Variants in ATAD2B observed in about 807,000 individuals in gnomAD.
ATAD2B encodes the protein ATPase family AAA domain-containing protein 2B.
Under a neutral mutation model 167.6 loss-of-function variants are expected in ATAD2B, and 40 were observed. The ratio of observed to expected loss-of-function variants is 0.24; its 90% CI spans 0.19 to 0.31. The LOEUF (loss-of-function observed/expected upper bound fraction) is 0.31, where lower values mean the gene tolerates loss of function less well. Ranked by LOEUF, ATAD2B falls within the 10% of genes least tolerant of loss-of-function variation. The probability of loss-of-function intolerance (pLI) is 1.00; values close to 1 mark genes in which losing one functional copy is unlikely to be tolerated. For missense variants in ATAD2B, 1,242 were observed against 1,757.2 expected, an observed-to-expected ratio of 0.71 and a Z score of 5.24; for synonymous variants, 579 against 596.5, an observed-to-expected ratio of 0.97 and a Z score of 0.43.
rs1283016862 is a variant in ATAD2B, at chr2:23,878,010, C to CAAAAAA, written c.902-2107_902-2106insTTTTTT. On this transcript the variant is annotated intron_variant, in intron 7 of 27. Transcript: ENST00000238789. The stretch of plus-strand genomic sequence containing the variant: ...ACTCCAGCCTGGATGACCCTATCTC[C>CAAAAAA]AAAGAAAAAAAAAAAAAAAAAAAAA... Among the ~76,000 whole-genome samples the CAAAAAA allele has an allele frequency of 9.6e-3, 273 of 28,536 alleles. 36 individuals are homozygous for CAAAAAA. Among genetic ancestry groups the CAAAAAA allele is most frequent in the East Asian group, 0.038 (29 of 756 alleles). 18.7% of individuals were successfully genotyped at this position (28,536 alleles called of 152,430 possible).
chr2:23,811,582 C>T (rs949252965), intron 17 of ATAD2B: 8 of 152,224 alleles, frequency 5.3e-5, no homozygotes, highest in African/African-American at 1.9e-4. Flanking sequence ...GAACATCACA[C>T]ACCGGGGCCT....
the ATAD2B span, among the ~76,000 whole-genome samples, chr2:23,711,098 T>C: frequency 6.6e-6 from 1 of 152,172 alleles, no homozygotes; most frequent in African/African-American, 2.4e-5. Context: ...ATTGTGGGTA[T>C]GTGATACACA....
chr2:23,894,688 C>T (rs555081589), intron 2 of ATAD2B, among the ~76,000 whole-genome samples: 7 of 152,140 alleles, frequency 4.6e-5, no homozygotes, highest in Admixed American at 4.6e-4. Context: ...GAGATTATAA[C>T]AGGTAGATCA....
At chr2:23,887,716 A>C in intron 4 of ATAD2B, 116 bp downstream of exon 4, 1 of 905,130 alleles carries the variant, frequency 1.1e-6, no homozygotes, top group Non-Finnish European at 1.6e-6. Context: ...GCTTCAAGTT[A>C]AGTTTTTAAA....
intron 14 of ATAD2B, among the ~76,000 whole-genome samples, chr2:23,831,420 T>C (rs1689060068): frequency 1.3e-5 from 2 of 152,256 alleles, no homozygotes; most frequent in Non-Finnish European, 2.9e-5. Flanking sequence ...AGTCATGATA[T>C]TCTATTGGCC....
chr2:23,883,961 A>G (rs997156989), intron 6 of ATAD2B, among the ~76,000 whole-genome samples: 4 of 152,068 alleles, frequency 2.6e-5, no homozygotes, highest in Non-Finnish European at 5.9e-5. Flanking sequence ...CTGGCCAACA[A>G]GGCAAAAACC....
intron 13 of ATAD2B, among the ~76,000 whole-genome samples, chr2:23,847,992 CAAAAA>C (rs529339468): frequency 1.1e-5 from 1 of 90,780 alleles, no homozygotes. Context: ...GACTTCATCC[CAAAAA>C]AAAAAAAAAA....
chr2:23,816,510 G>A (rs1686478821), intron 17 of ATAD2B, among the ~76,000 whole-genome samples: 1 of 152,044 alleles, frequency 6.6e-6, no homozygotes, highest in Non-Finnish European at 1.5e-5. Flanking sequence ...CCAACATAGT[G>A]GATGAAAAAG....
chr2:23,697,945 TTCTG>T, the ATAD2B span: 1 of 152,248 alleles, frequency 6.6e-6, no homozygotes, highest in Admixed American at 6.5e-5. Flanking sequence ...GGATCCGTCA[TTCTG>T]TCTTGCTTTT....
chr2:23,805,037 G>A (rs1035150998), intron 18 of ATAD2B, among the ~76,000 whole-genome samples: 1 of 151,628 alleles, frequency 6.6e-6, no homozygotes, highest in Non-Finnish European at 1.5e-5. Context: ...CACCTACTCG[G>A]GAGGCTTAGA....
rs1183292046 is a variant in ATAD2B, at chr2:23,823,364, T to C, written c.2025A>G (p.Leu675=). ...CCAGCAGTGGTCTTATGATGGGGGA[T>C]AGTGCATGCCCTGAAGACATCACAG... ...QRAVMSSGHA[L]SPIIRPLLER... The change falls in exon 16 of 28, where the codon CTA becomes CTG. Residue 675 remains leucine (L), a synonymous_variant. Transcript: ENST00000238789. The C allele has an allele frequency of 7.4e-6, 12 of 1,613,954 alleles. 1 individual carries two copies. The East Asian group carries it at 1.3e-4, about 18-fold the overall frequency.
chr2:23,724,779 C>A, the ATAD2B span, among the ~76,000 whole-genome samples: 1 of 152,106 alleles, frequency 6.6e-6, no homozygotes, highest in African/African-American at 2.4e-5. Context: ...CACGGTGGCT[C>A]ACGCCTGTAA....
At chr2:23,685,966 G>C in the ATAD2B span, among the ~76,000 whole-genome samples, 1 of 152,254 alleles carries the variant, frequency 6.6e-6, no homozygotes. Context: ...GCTAGAACGT[G>C]GTGGGTGAGA....
At chr2:23,729,982 G>A in the ATAD2B span, among the ~76,000 whole-genome samples, 1 of 152,100 alleles carries the variant, frequency 6.6e-6, no homozygotes, top group Admixed American at 6.5e-5. Context: ...CTCAGTAACT[G>A]GTATAAGTAG....
At chr2:23,866,757 T>C (rs551689241) in intron 10 of ATAD2B, among the ~76,000 whole-genome samples, 2 of 152,338 alleles carry the variant, frequency 1.3e-5, no homozygotes, top group East Asian at 3.9e-4. Context: ...TCTTCAAGTA[T>C]ATATGCAATT....
At chr2:23,822,397 T>G (rs1406892050) in intron 16 of ATAD2B, among the ~76,000 whole-genome samples, 1 of 151,616 alleles carries the variant, frequency 6.6e-6, no homozygotes, top group Non-Finnish European at 1.5e-5. Context: ...ATACAAAAAT[T>G]AGCTGGGCGT....
chr2:23,754,480 C>T (rs1300975560), intron 26 of ATAD2B, among the ~76,000 whole-genome samples, 167 bp downstream of exon 26: 2 of 152,102 alleles, frequency 1.3e-5, no homozygotes, highest in African/African-American at 2.4e-5. Flanking sequence ...GGACTACTCC[C>T]GTATCTTTCA....
At chr2:23,814,333 C>T (rs1364054562) in intron 17 of ATAD2B, among the ~76,000 whole-genome samples, 1 of 152,038 alleles carries the variant, frequency 6.6e-6, no homozygotes, top group African/African-American at 2.4e-5. Flanking sequence ...TCAAACAATA[C>T]CAGTGTTATC....
At chr2:23,774,095 G>A (rs560062696) in intron 22 of ATAD2B, among the ~76,000 whole-genome samples, 1 of 152,198 alleles carries the variant, frequency 6.6e-6, no homozygotes, top group South Asian at 2.1e-4. Flanking sequence ...AAATTATTAA[G>A]AGTAACCATA....
Sources: allele counts gnomAD v4.1 joint callset (sites outside exome capture counted in the v4.1 genomes callset), GRCh38; gene constraint gnomAD v4.1.1; transcripts MANE v1.5; gene names NCBI Gene and HGNC (gene_info 2026-07-23, HGNC 2026-07-21).